Variants in AGAP3 observed in about 807,000 individuals in gnomAD.
The protein encoded by AGAP3 is ArfGAP with GTPase domain, ankyrin repeat and PH domain 3.
AGAP3 carries 24 observed loss-of-function variants against 96.9 expected under a neutral mutation model. The observed-to-expected ratio is 0.25, with a 90% CI of 0.18 to 0.35. AGAP3 has a LOEUF of 0.35. AGAP3 is among the 10% of genes least tolerant of loss of function. The probability of loss-of-function intolerance (pLI) is 1.00; values close to 1 mark genes in which losing one functional copy is unlikely to be tolerated. For missense variants in AGAP3, 876 were observed against 1,254.2 expected, an observed-to-expected ratio of 0.70 and a Z score of 4.55; for synonymous variants, 563 against 536.1, an observed-to-expected ratio of 1.05 and a Z score of -0.69.
rs572686228 is a variant in AGAP3 at position 151,138,751 on chromosome 7, C to T, written c.1666+438C>T. Among the ~76,000 whole-genome samples, 80 of 152,308 alleles carry T rather than the reference C, an allele frequency of 5.3e-4. 1 individual carries two copies. Among genetic ancestry groups the T allele is most frequent in the Non-Finnish European group, 9.3e-4 (63 of 68,026 alleles). ...GCTGAGTAGGGAGGTCGGACGGAGG[C>T]TGGGCGCTCTAAGCCATGTGAGCCA... On this transcript the variant is annotated intron_variant, in intron 12 of 17. Coordinates refer to ENST00000397238, the MANE Select transcript of AGAP3 (RefSeq NM_031946.7).
intron 9 of AGAP3, among the ~76,000 whole-genome samples, chr7:151,124,918 T>C (rs1324430810): frequency 6.6e-6 from 1 of 152,226 alleles, no homozygotes; most frequent in Non-Finnish European, 1.5e-5. Flanking sequence ...CTTGAAATGT[T>C]CGTTGCATTT....
chr7:151,130,787 A>G (rs1474156047), intron 10 of AGAP3, among the ~76,000 whole-genome samples: 1 of 152,004 alleles, frequency 6.6e-6, no homozygotes, highest in East Asian at 1.9e-4. Flanking sequence ...GAGCTCTGGC[A>G]GAGCCCGCTT....
In AGAP3 at chr7:151,096,164, A is replaced by G. The variant is rs1010922272; in HGVS notation, c.331+9092A>G. On this transcript the variant is annotated intron_variant, in intron 1 of 17. Coordinates refer to ENST00000397238, the MANE Select transcript of AGAP3 (RefSeq NM_031946.7). The surrounding 1 kb of genome is among the most constrained non-coding windows in gnomAD (Gnocchi z 4.4). ...GTGCGTGCTGGGTGGCGACTGTCTC[A>G]TTACTTGTCTCAGAGGCTCAGCTGT... 6.6e-6 allele frequency among the ~76,000 whole-genome samples: 1 copy of G among 152,210 alleles called. No individual in the cohort carries two copies. Among genetic ancestry groups the G allele is most frequent in the African/African-American group, 2.4e-5 (1 of 41,460 alleles).
rs747007463 is a variant in AGAP3 at position 151,123,904 on chromosome 7, C to T, written c.1221+18C>T. The T allele has an allele frequency of 2.5e-6, 4 of 1,600,742 alleles. No individual in the cohort carries two copies. In the South Asian group the frequency reaches 3.3e-5, roughly 13 times the overall value. Reference sequence around the variant, plus strand: ...TCAAGCAGGTCAGCGCCTCCCTTCCCGTGTGCTCCAGGGCTCAGAATGAGG... The same window carrying T: ...TCAAGCAGGTCAGCGCCTCCCTTCCTGTGTGCTCCAGGGCTCAGAATGAGG... On this transcript the variant is annotated intron_variant, in intron 9 of 17. Coordinates refer to ENST00000397238, the MANE Select transcript of AGAP3 (RefSeq NM_031946.7).
chr7:151,120,204 G>C, intron 8 of AGAP3, 59 bp downstream of exon 8: 1 of 1,520,764 alleles, frequency 6.6e-7, no homozygotes, highest in African/African-American at 1.4e-5. Flanking sequence ...AGGGCTGAGC[G>C]CCGAGCTCCC....
At chr7:151,113,424 C>A (rs751328086) in intron 1 of AGAP3, among the ~76,000 whole-genome samples, 2 of 152,212 alleles carry the variant, frequency 1.3e-5, no homozygotes, top group Non-Finnish European at 2.9e-5. Flanking sequence ...GCGCTCTTTT[C>A]TGCAGGGAGC....
intron 1 of AGAP3, among the ~76,000 whole-genome samples, chr7:151,092,476 T>A (rs1260356562): frequency 1.3e-5 from 2 of 152,208 alleles, no homozygotes; most frequent in Non-Finnish European, 2.9e-5. Flanking sequence ...AGGGAGCTTA[T>A]TTTGGAGCGC....
At chr7:151,121,255 C>T (rs530392177) in intron 8 of AGAP3, among the ~76,000 whole-genome samples, 29 of 152,302 alleles carry the variant, frequency 1.9e-4, no homozygotes, top group African/African-American at 6.3e-4. Context: ...GCTGACGGTC[C>T]GCCACACATT....
In AGAP3 at chr7:151,118,348, A is replaced by C; in HGVS notation, c.841+4A>C. ...GTGGAGCGTGTCTTCCAGGACGGTA[A>C]CTCGGGTGCCGGGTGGGAGTCACTG... On this transcript the variant is annotated splice_donor_region_variant and intron_variant, in intron 6 of 17. Transcript: ENST00000397238. The surrounding 1 kb of genome is among the most constrained non-coding windows in gnomAD (Gnocchi z 6.1). The C allele has an allele frequency of 6.2e-7, 1 of 1,608,146 alleles. No homozygotes were observed. Among genetic ancestry groups the C allele is most frequent in the Non-Finnish European group, 8.5e-7 (1 of 1,175,430 alleles).
At chr7:151,117,226 C>T (rs1585073991) in intron 3 of AGAP3, 44 bp downstream of exon 3, 1 of 1,600,368 alleles carries the variant, frequency 6.2e-7, no homozygotes, top group East Asian at 2.2e-5. Flanking sequence ...CCGGCCACTC[C>T]TCCAGCTCCT....
At position 151,144,052 on chromosome 7, in the gene AGAP3, A is replaced by G. The variant is rs1193072175; in HGVS notation, c.*109A>G. 8.2e-7 allele frequency: 1 copy of G among 1,214,306 alleles called. No individual in the cohort carries two copies. The highest frequency in any genetic ancestry group is 1.1e-6 in the Non-Finnish European group (1 of 869,916). 75.2% of individuals were successfully genotyped at this position (1,214,306 alleles called of 1,614,324 possible). On this transcript the variant is annotated 3_prime_UTR_variant, in exon 18 of 18. Coordinates refer to ENST00000397238, the MANE Select transcript of AGAP3 (RefSeq NM_031946.7). ...GAGATGGAGAAGCAGGGACATGCTGAGAGGACGAAGCCAAGGAAATTAGGG... is the reference window on the plus strand; with the variant it reads ...GAGATGGAGAAGCAGGGACATGCTGGGAGGACGAAGCCAAGGAAATTAGGG...
At chr7:151,116,626 C>T (rs1451592712) in intron 1 of AGAP3, 167 bp from the exon 2 acceptor site, 2 of 704,676 alleles carry the variant, frequency 2.8e-6, no homozygotes, top group African/African-American at 1.8e-5. Context: ...GAAGAACCTT[C>T]CCACTGCCTC....
Position 151,142,851 on chromosome 7 carries a change from CA to C in AGAP3, c.2273+218del, listed in dbSNP as rs1202915379. Among the ~76,000 whole-genome samples, 2 of 152,340 alleles carry C rather than the reference CA, an allele frequency of 1.3e-5. No individual in the cohort carries two copies. The highest frequency in any genetic ancestry group is 2.4e-5 in the African/African-American group (1 of 41,576). On this transcript the variant is annotated intron_variant, in intron 16 of 17. Coordinates refer to ENST00000397238, the MANE Select transcript of AGAP3 (RefSeq NM_031946.7). The surrounding 1 kb of genome is among the most constrained non-coding windows in gnomAD (Gnocchi z 7.5). ...CCCTTTCTGAGCGTTATCAGCAGGT[CA>C]GGGGCCAGCAGGAGGCGCATGCGCA...
At position 151,133,575 on chromosome 7, in the gene AGAP3, C is replaced by T. The variant is rs991282186; in HGVS notation, c.1327-825C>T. Among the ~76,000 whole-genome samples the T allele has an allele frequency of 2.0e-5, 3 of 152,152 alleles. No homozygotes were observed. Among genetic ancestry groups the T allele is most frequent in the East Asian group, 1.9e-4 (1 of 5,174 alleles). On this transcript the variant is annotated intron_variant, in intron 10 of 17. Transcript: ENST00000397238. This position sits in a 1 kb window ranked among gnomAD's most constrained non-coding sequence, Gnocchi z 5.4. Reference sequence around the variant, plus strand: ...GGCTGGAGGAAGCCTGCACACAGGGCACAGGCTTGGGAATCTGAAAAACCT... The same window carrying T: ...GGCTGGAGGAAGCCTGCACACAGGGTACAGGCTTGGGAATCTGAAAAACCT...
rs1372743663 is a variant in AGAP3 at position 151,105,782 on chromosome 7, C to A, written c.332-11011C>A. On this transcript the variant is annotated intron_variant, in intron 1 of 17. Coordinates refer to ENST00000397238, the MANE Select transcript of AGAP3 (RefSeq NM_031946.7). ...TCTCCAACCCCTCCATTCCGCCCCC[C>A]CCCCCGACACCACACACACACACAC... Among the ~76,000 whole-genome samples the A allele has an allele frequency of 2.1e-4, 10 of 46,804 alleles. 2 individuals carry two copies. The highest frequency in any genetic ancestry group is 4.9e-4 in the African/African-American group (4 of 8,124). The allele number at this position is 46,804 out of a possible 152,430, so 30.7% of individuals were successfully genotyped here. A position where few individuals can be genotyped will look rare whatever the true frequency, so the allele number is the denominator to read the frequency against.
intron 7 of AGAP3, chr7:151,119,253 A>G (rs1243953118): frequency 6.2e-6 from 1 of 160,020 alleles, no homozygotes; most frequent in Non-Finnish European, 1.4e-5. Context: ...CCTCTTGTAC[A>G]GGTTAGGGTT....
In AGAP3 at chr7:151,114,623, G is replaced by A; in HGVS notation, c.332-2170G>A. ...CGGCCTCTCCAGGTCTGGGCTTGCC[G>A]GCCGCGAGGTGGAGGAGTTGAGGGA... is the stretch of plus-strand genomic sequence containing the variant. On this transcript the variant is annotated intron_variant, in intron 1 of 17. Transcript: ENST00000397238. This position sits in a 1 kb window ranked among gnomAD's most constrained non-coding sequence, Gnocchi z 4.4. 2.6e-6 allele frequency: 2 copies of A among 779,286 alleles called. No homozygotes were observed. The highest frequency in any genetic ancestry group is 1.2e-4 in the East Asian group (1 of 8,116). The allele number at this position is 779,286 out of a possible 1,614,324, so 48.3% of individuals were successfully genotyped here. A position where few individuals can be genotyped will look rare whatever the true frequency, so the allele number is the denominator to read the frequency against.
intron 1 of AGAP3, among the ~76,000 whole-genome samples, chr7:151,095,629 G>A (rs762062280): frequency 1.3e-5 from 2 of 149,596 alleles, no homozygotes; most frequent in African/African-American, 5.0e-5. Flanking sequence ...AGGCACTGGT[G>A]GATGGCACTT....
At chr7:151,092,770 G>C (rs941261540) in intron 1 of AGAP3, among the ~76,000 whole-genome samples, 4 of 152,124 alleles carry the variant, frequency 2.6e-5, no homozygotes, top group Non-Finnish European at 5.9e-5. Flanking sequence ...GATTTTCTCT[G>C]GTTCTCCAAC....
Sources: allele counts gnomAD v4.1 joint callset (sites outside exome capture counted in the v4.1 genomes callset), GRCh38; gene constraint gnomAD v4.1.1; non-coding constraint Gnocchi (gnomAD v3.1); transcripts MANE v1.5; gene names NCBI Gene and HGNC (gene_info 2026-07-23, HGNC 2026-07-21).